The following ARHGAP26 variants were observed in gnomAD, a reference collection of about 807,000 sequenced individuals.
ARHGAP26 encodes rho GTPase-activating protein 26.
A neutral mutation model predicts 104.8 loss-of-function variants in ARHGAP26; 38 were observed. That is an observed-to-expected ratio of 0.36 (90% CI 0.28 to 0.48). ARHGAP26 has a LOEUF of 0.48. Among genes scored for constraint, ARHGAP26 ranks in the 20% least tolerant of loss-of-function variants. The pLI, the probability that ARHGAP26 is intolerant of heterozygous loss-of-function variation, is 0.99. For synonymous variants in ARHGAP26, 341 were observed against 340.0 expected (o/e 1.00, Z -0.03); for missense variants, 704 against 947.9 (o/e 0.74, Z 3.38).
chr5:142,839,511 G>T (rs1197953242), intron 1 of ARHGAP26, among the ~76,000 whole-genome samples: 1 of 152,064 alleles, frequency 6.6e-6, no homozygotes, highest in Non-Finnish European at 1.5e-5. Flanking sequence ...TGGGATAGTA[G>T]ATTTTTTTCA....
At chr5:142,845,906 T>C (rs1230379410) in intron 1 of ARHGAP26, among the ~76,000 whole-genome samples, 2 of 152,230 alleles carry the variant, frequency 1.3e-5, no homozygotes, top group African/African-American at 4.8e-5. Flanking sequence ...CTTTTCTTTT[T>C]TTCCATTTCC....
intron 11 of ARHGAP26, among the ~76,000 whole-genome samples, chr5:142,956,536 C>T (rs903686018): frequency 6.6e-6 from 1 of 152,150 alleles, no homozygotes; most frequent in East Asian, 1.9e-4. Flanking sequence ...ATGATTGCAC[C>T]ACTCCATTCC....
intron 17 of ARHGAP26, among the ~76,000 whole-genome samples, chr5:143,109,221 T>C (rs938257338): frequency 2.0e-5 from 3 of 152,184 alleles, no homozygotes; most frequent in African/African-American, 7.2e-5. Flanking sequence ...ATTCTGTTCT[T>C]CCACCAGGCT....
chr5:142,771,180 G>GGTGGGC (rs1755113616), intron 1 of ARHGAP26: 6 of 1,287,154 alleles, frequency 4.7e-6, no homozygotes, highest in South Asian at 2.5e-5. Flanking sequence ...GGGCAGCGCG[G>GGTGGGC]GTGGGCGTGG....
chr5:143,122,321 G>T (rs1796236411), intron 18 of ARHGAP26, among the ~76,000 whole-genome samples: 1 of 152,082 alleles, frequency 6.6e-6, no homozygotes, highest in Admixed American at 6.5e-5. Context: ...CTACTTCAAG[G>T]CCTTCGCAGT....
chr5:142,857,186 G>C (rs1752496961), intron 1 of ARHGAP26, among the ~76,000 whole-genome samples: 1 of 152,158 alleles, frequency 6.6e-6, no homozygotes, highest in African/African-American at 2.4e-5. Flanking sequence ...AGTCCTATAT[G>C]ACCTCATTTT....
chr5:142,894,760 T>C (rs1285995143), intron 6 of ARHGAP26, among the ~76,000 whole-genome samples: 1 of 152,238 alleles, frequency 6.6e-6, no homozygotes, highest in Non-Finnish European at 1.5e-5. Context: ...AAAGACATAG[T>C]ACATTTCTCT....
At chr5:142,828,063 G>A (rs1191431790) in intron 1 of ARHGAP26, among the ~76,000 whole-genome samples, 1 of 152,184 alleles carries the variant, frequency 6.6e-6, no homozygotes, top group African/African-American at 2.4e-5. Flanking sequence ...TATTCAGAGG[G>A]AATGGATGCT....
rs376246517 is a variant in ARHGAP26, at chr5:142,928,548, G to C, written c.1029-3499G>C. 4.6e-5 allele frequency among the ~76,000 whole-genome samples: 7 copies of C among 152,308 alleles called. No individual in the cohort carries two copies. In the South Asian group the frequency reaches 6.2e-4, roughly 14 times the overall value. ...GGTGGTCAACGTGAGCTCTCTGGGG[G>C]CTGCGGTGCCATCACATTTGCCATG... On this transcript the variant is annotated intron_variant, in intron 10 of 22. Coordinates refer to ENST00000645722, the MANE Select transcript of ARHGAP26 (RefSeq NM_001135608.3).
intron 5 of ARHGAP26, among the ~76,000 whole-genome samples, chr5:142,890,452 G>A (rs1758501223): frequency 6.6e-6 from 1 of 151,250 alleles, no homozygotes; most frequent in Admixed American, 6.6e-5. Context: ...GAGGAGGTGA[G>A]GCTGGAGGGT....
intron 21 of ARHGAP26, among the ~76,000 whole-genome samples, chr5:143,213,019 C>T (rs1338199064): frequency 6.6e-6 from 1 of 152,144 alleles, no homozygotes; most frequent in African/African-American, 2.4e-5. Flanking sequence ...GTAGCAGGCG[C>T]CTGTAGTCCC....
At chr5:143,088,203 A>G (rs370190985) in intron 17 of ARHGAP26, among the ~76,000 whole-genome samples, 7 of 152,208 alleles carry the variant, frequency 4.6e-5, no homozygotes, top group Admixed American at 1.3e-4. Flanking sequence ...ACAATTGCAT[A>G]TTTCCTTTTA....
At chr5:142,941,054 G>A (rs1162922585) in intron 11 of ARHGAP26, among the ~76,000 whole-genome samples, 6 of 111,960 alleles carry the variant, frequency 5.4e-5, no homozygotes, top group Non-Finnish European at 9.9e-5. Context: ...CAGCCTGGGC[G>A]ACTGAGAGCG....
intron 13 of ARHGAP26, 155 bp from the exon 14 acceptor site, chr5:143,041,661 A>G: frequency 1.6e-6 from 1 of 616,774 alleles, no homozygotes; most frequent in Non-Finnish European, 2.9e-6. Context: ...TCGTTTGCTA[A>G]GAGCTGAGCT....
At chr5:142,999,115 C>T (rs1038155893) in intron 11 of ARHGAP26, among the ~76,000 whole-genome samples, 1 of 152,242 alleles carries the variant, frequency 6.6e-6, no homozygotes, top group Middle Eastern at 3.4e-3. Context: ...GTTTCAGGCC[C>T]CCCTTTTGAT....
intron 1 of ARHGAP26, among the ~76,000 whole-genome samples, chr5:142,802,195 A>G (rs1427393491): frequency 1.3e-5 from 2 of 152,248 alleles, no homozygotes; most frequent in Non-Finnish European, 2.9e-5. Context: ...GATGAAGGCT[A>G]TAAACAGATG....
chr5:143,102,104 G>C (rs761226706), intron 17 of ARHGAP26, among the ~76,000 whole-genome samples: 1 of 152,112 alleles, frequency 6.6e-6, no homozygotes, highest in Non-Finnish European at 1.5e-5. Flanking sequence ...GTTGGTGGTG[G>C]TTTTGTTTCT....
At chr5:143,093,662 T>C (rs1344572374) in intron 17 of ARHGAP26, among the ~76,000 whole-genome samples, 1 of 151,972 alleles carries the variant, frequency 6.6e-6, no homozygotes, top group Non-Finnish European at 1.5e-5. Flanking sequence ...CTTTCCTCTC[T>C]CTCTCTCTTT....
chr5:142,772,318 A>G (rs1755370388), intron 1 of ARHGAP26, among the ~76,000 whole-genome samples: 1 of 152,216 alleles, frequency 6.6e-6, no homozygotes, highest in South Asian at 2.1e-4. Context: ...CCTGAAACAT[A>G]TGAACAGACC....
Sources: allele counts gnomAD v4.1 joint callset (sites outside exome capture counted in the v4.1 genomes callset), GRCh38; gene constraint gnomAD v4.1.1; transcripts MANE v1.5; gene names NCBI Gene and HGNC (gene_info 2026-07-23, HGNC 2026-07-21).